Variants in CACNA2D1 observed in about 807,000 individuals in gnomAD.
The protein encoded by CACNA2D1 is voltage-dependent calcium channel subunit alpha-2/delta-1.
Under a neutral mutation model 171.5 loss-of-function variants are expected in CACNA2D1, and 53 were observed. The observed-to-expected ratio is 0.31, with a 90% CI of 0.25 to 0.39. The LOEUF is 0.39. Among genes scored for constraint, CACNA2D1 ranks in the 10% least tolerant of loss-of-function variants. The pLI is 1.00. For synonymous variants in CACNA2D1, 442 were observed against 443.1 expected (o/e 1.00, Z 0.03); for missense variants, 903 against 1,299.8 (o/e 0.69, Z 4.69).
At chr7:82,186,018 G>A (rs942125757) in intron 3 of CACNA2D1, among the ~76,000 whole-genome samples, 3 of 151,802 alleles carry the variant, frequency 2.0e-5, no homozygotes, top group South Asian at 2.1e-4. Context: ...TTAGCTGGGC[G>A]TGGTGGTATA....
At chr7:82,043,367 G>C (rs1208397338) in intron 10 of CACNA2D1, among the ~76,000 whole-genome samples, 2 of 152,086 alleles carry the variant, frequency 1.3e-5, no homozygotes, top group East Asian at 3.9e-4. Context: ...TAGTAAAAAG[G>C]ATTAGGATAC....
intron 25 of CACNA2D1, among the ~76,000 whole-genome samples, chr7:81,972,805 T>C (rs1245352189): frequency 6.6e-6 from 1 of 152,030 alleles, no homozygotes; most frequent in Non-Finnish European, 1.5e-5. Context: ...ATCCTATTAC[T>C]ATACAACATG....
chr7:82,073,443 T>C (rs1302649050), intron 7 of CACNA2D1, among the ~76,000 whole-genome samples: 4 of 152,146 alleles, frequency 2.6e-5, no homozygotes, highest in Admixed American at 6.5e-5. Context: ...ACTGCATAGA[T>C]TGAAATGGTT....
At chr7:82,263,097 C>T (rs1282474071) in intron 3 of CACNA2D1, among the ~76,000 whole-genome samples, 4 of 134,216 alleles carry the variant, frequency 3.0e-5, no homozygotes, top group East Asian at 2.1e-4. Flanking sequence ...TGTCACATAA[C>T]ACCACTTTTT....
intron 38 of CACNA2D1, among the ~76,000 whole-genome samples, chr7:81,955,960 CTATATATATATATA>C (rs764892530): frequency 1.5e-5 from 1 of 65,826 alleles, no homozygotes; most frequent in Non-Finnish European, 2.6e-5. Context: ...GTCACTGTTG[CTATATATATATATA>C]TATATATTTT....
chr7:82,038,460 C>T lies in CACNA2D1; in HGVS notation c.880-225G>A, dbSNP rs149711402. On this transcript the variant is annotated intron_variant, in intron 10 of 38. Coordinates refer to ENST00000356860, the MANE Select transcript of CACNA2D1 (RefSeq NM_000722.4). ...GAGTCTGCTGCTTATATTCCCGAAGCCTGCTTTCCCTGCTTATAAATTTGA... is the reference window on the plus strand; with the variant it reads ...GAGTCTGCTGCTTATATTCCCGAAGTCTGCTTTCCCTGCTTATAAATTTGA... Among the ~76,000 whole-genome samples, 534 of 152,212 alleles carry T rather than the reference C, an allele frequency of 3.5e-3. 3 individuals carry two copies. The highest frequency in any genetic ancestry group is 0.012 in the African/African-American group (518 of 41,524).
At chr7:81,987,973 C>T (rs1013057273) in intron 21 of CACNA2D1, among the ~76,000 whole-genome samples, 2 of 152,230 alleles carry the variant, frequency 1.3e-5, no homozygotes, top group East Asian at 1.9e-4. Flanking sequence ...AAAGAACATT[C>T]GCCTGCTCAC....
chr7:82,229,177 T>C (rs1319948893), intron 3 of CACNA2D1, among the ~76,000 whole-genome samples: 1 of 152,178 alleles, frequency 6.6e-6, no homozygotes, highest in East Asian at 1.9e-4. Context: ...ATGGGTTTAC[T>C]AGGTAGCTTC....
chr7:82,148,833 C>T (rs935879760), intron 4 of CACNA2D1, among the ~76,000 whole-genome samples: 2 of 152,062 alleles, frequency 1.3e-5, no homozygotes, highest in African/African-American at 4.8e-5. Context: ...GGCAGGGTTT[C>T]ACCATGTTGG....
intron 6 of CACNA2D1, among the ~76,000 whole-genome samples, chr7:82,096,890 A>G (rs1388654119): frequency 1.3e-5 from 2 of 152,064 alleles, no homozygotes; most frequent in East Asian, 3.9e-4. Context: ...TGTGATCACT[A>G]TTTTTGAAGA....
At chr7:82,287,719 A>G (rs1288544810) in intron 3 of CACNA2D1, among the ~76,000 whole-genome samples, 1 of 152,228 alleles carries the variant, frequency 6.6e-6, no homozygotes, top group Non-Finnish European at 1.5e-5. Flanking sequence ...AACCCTTTTA[A>G]AAATGATGCA....
intron 24 of CACNA2D1, among the ~76,000 whole-genome samples, chr7:81,976,254 A>G (rs1407471675): frequency 6.6e-6 from 1 of 152,092 alleles, no homozygotes. Context: ...TCCATATGAA[A>G]TTTAGTTTTT....
intron 3 of CACNA2D1, among the ~76,000 whole-genome samples, chr7:82,313,724 A>G (rs866263016): frequency 1.4e-4 from 22 of 152,154 alleles, no homozygotes; most frequent in Non-Finnish European, 2.2e-4. Flanking sequence ...TTCTCCTTTC[A>G]ATGTACCTTT....
At chr7:82,107,413 C>T (rs74484242) in intron 6 of CACNA2D1, among the ~76,000 whole-genome samples, 1 of 152,006 alleles carries the variant, frequency 6.6e-6, no homozygotes, top group Admixed American at 6.6e-5. Flanking sequence ...AACGACTAAC[C>T]ATCCTTGTTC....
intron 2 of CACNA2D1, among the ~76,000 whole-genome samples, chr7:82,347,461 C>A (rs1415001109): frequency 6.6e-6 from 1 of 151,964 alleles, no homozygotes; most frequent in Admixed American, 6.6e-5. Flanking sequence ...ATTTGAAGAA[C>A]CTTCATTTCT....
At chr7:82,291,112 C>A (rs993825272) in intron 3 of CACNA2D1, among the ~76,000 whole-genome samples, 1 of 134,264 alleles carries the variant, frequency 7.4e-6, no homozygotes, top group African/African-American at 2.7e-5. Context: ...ACCCCATCCC[C>A]TACTATCTGG....
chr7:82,252,753 G>A (rs892002276), intron 3 of CACNA2D1, among the ~76,000 whole-genome samples: 1 of 152,088 alleles, frequency 6.6e-6, no homozygotes, highest in African/African-American at 2.4e-5. Flanking sequence ...AGCTGGGCGT[G>A]GTGGTGCGTG....
At chr7:81,964,430 A>G (rs71557107) in intron 32 of CACNA2D1, 71 bp from the exon 33 acceptor site, 39 of 1,189,220 alleles carry the variant, frequency 3.3e-5, no homozygotes, top group Non-Finnish European at 4.3e-5. Context: ...GGGAATCACC[A>G]CTACAGTGAA....
intron 12 of CACNA2D1, among the ~76,000 whole-genome samples, chr7:82,026,047 GTTT>G (rs1224426188): frequency 2.3e-5 from 3 of 132,746 alleles, no homozygotes; most frequent in Non-Finnish European, 1.6e-5. Flanking sequence ...TCTCGTGTCA[GTTT>G]TTTTTTTTTT....
Sources: gnomAD v4.1 joint callset for allele counts (sites outside exome capture counted in the v4.1 genomes callset) on GRCh38, gnomAD v4.1.1 for gene constraint, MANE v1.5 for transcripts, NCBI Gene and HGNC (gene_info 2026-07-23, HGNC 2026-07-21) for gene names.